Variants in KAT6A observed in about 807,000 individuals in gnomAD.
KAT6A encodes lysine acetyltransferase 6A.
A neutral mutation model predicts 198.4 loss-of-function variants in KAT6A; 9 were observed. That is an observed-to-expected ratio of 0.05 (90% CI 0.03 to 0.08). The LOEUF (loss-of-function observed/expected upper bound fraction) is 0.08. KAT6A is among the 10% of genes least tolerant of loss of function. The pLI is 1.00. For missense variants in KAT6A, 2,077 were observed against 2,509.9 expected, an observed-to-expected ratio of 0.83 and a Z score of 3.69; for synonymous variants, 890 against 883.0, an observed-to-expected ratio of 1.01 and a Z score of -0.14.
chr8:41,996,921 A>G (rs1408411827), intron 2 of KAT6A, among the ~76,000 whole-genome samples: 1 of 152,204 alleles, frequency 6.6e-6, no homozygotes, highest in Non-Finnish European at 1.5e-5. Context: ...TGTACCACAA[A>G]AGGACATATA....
Position 41,942,874 on chromosome 8 carries a change from C to T in KAT6A, c.2355G>A (p.Val785=), listed in dbSNP as rs1822207656. The part of the protein sequence containing the change: ...RWTPVIVSNS[V]VSEEEEEEAE... ...CCTCCTCTTCTTCCTCCTCTGAGACCACAGAGTTGGACACTATGACTGGAG... is the reference window on the plus strand; with the variant it reads ...CCTCCTCTTCTTCCTCCTCTGAGACTACAGAGTTGGACACTATGACTGGAG... Residue 785 remains valine, a synonymous_variant, in exon 14 of 17, where the codon GTG becomes GTA. Transcript: ENST00000265713. The T allele has an allele frequency of 3.7e-6, 6 of 1,614,134 alleles. No individual in the cohort carries two copies. Among genetic ancestry groups the T allele is most frequent in the Non-Finnish European group, 5.1e-6 (6 of 1,180,032 alleles).
Position 41,943,777 on chromosome 8 carries a change from G to C in KAT6A, c.2199C>G (p.His733Gln). 1 of 1,613,490 alleles carries C rather than the reference G, an allele frequency of 6.2e-7. No individual in the cohort carries two copies. The highest frequency in any genetic ancestry group is 1.1e-5 in the South Asian group (1 of 91,064). ...CACTACGGAAGTCCAGCATTCGTAG[G>C]TGGTGGAGTGTGGAAGTGATGTCTT... ...CPQDITSTLH[H>Q]LRMLDFRSDQ... is the part of the protein sequence containing the mutation. Residue 733 changes from histidine to glutamine, a missense_variant, in exon 13 of 17, where the codon CAC (histidine) becomes CAG (glutamine). This residue lies in a region of KAT6A where 127 missense variants were observed against 209.6 expected (regional missense o/e 0.61). Coordinates refer to ENST00000265713, the MANE Select transcript of KAT6A (RefSeq NM_006766.5).
At chr8:42,046,644 T>G (rs1260017409) in intron 2 of KAT6A, among the ~76,000 whole-genome samples, 3 of 152,252 alleles carry the variant, frequency 2.0e-5, no homozygotes, top group Non-Finnish European at 4.4e-5. Flanking sequence ...TCCAGGCAGT[T>G]AACCTGTTAG....
At chr8:42,042,825 A>G (rs1026534828) in intron 2 of KAT6A, among the ~76,000 whole-genome samples, 9 of 152,226 alleles carry the variant, frequency 5.9e-5, no homozygotes, top group African/African-American at 1.7e-4. Context: ...TTTCTGGGCT[A>G]GTAATACAGA....
Position 41,930,682 on chromosome 8 carries a change from A to ATGTGTG in KAT6A, c.*1517_*1522dup, listed in dbSNP as rs1167805914. ...AATGATGGAATATATATATATATAT[A>ATGTGTG]TGTGTGTGTGTGTGTGTGTGTGTGT... On this transcript the variant is annotated 3_prime_UTR_variant, in exon 17 of 17. Coordinates refer to ENST00000265713, the MANE Select transcript of KAT6A (RefSeq NM_006766.5). The ATGTGTG allele has an allele frequency of 2.6e-3, 238 of 91,646 alleles. 2 individuals carry two copies. Among genetic ancestry groups the ATGTGTG allele is most frequent in the African/African-American group, 8.2e-3 (153 of 18,684 alleles). The allele number at this position is 91,646 out of a possible 1,614,324, so 5.7% of individuals were successfully genotyped here.
chr8:42,042,233 C>T (rs574587783), intron 2 of KAT6A, among the ~76,000 whole-genome samples: 3 of 151,956 alleles, frequency 2.0e-5, no homozygotes, highest in Non-Finnish European at 4.4e-5. Context: ...CCGAGGCAGG[C>T]GGATCATGAG....
In KAT6A at chr8:41,938,869, T is replaced by A. The variant is rs1314850128; in HGVS notation, c.3040-1301A>T. On this transcript the variant is annotated intron_variant, in intron 15 of 16. Transcript: ENST00000265713. ...GGCTGAGGTGGGAGCGTTGCTTGCA[T>A]CCCAGGAGGTGGAGGTTGCAGTGAG... Among the ~76,000 whole-genome samples the A allele has an allele frequency of 6.8e-5, 10 of 147,072 alleles. No individual in the cohort carries two copies. The Admixed American group carries it at 7.0e-4, about 10-fold the overall frequency.
At chr8:41,936,524 C>T (rs1390182283) in intron 16 of KAT6A, among the ~76,000 whole-genome samples, 1 of 152,194 alleles carries the variant, frequency 6.6e-6, no homozygotes, top group Non-Finnish European at 1.5e-5. Context: ...GCATGAGACA[C>T]TGGCAAAACT....
rs1822468570 is a variant in KAT6A, at chr8:41,947,738, C to A, written c.1902+13G>T. On this transcript the variant is annotated intron_variant, in intron 11 of 16. Coordinates refer to ENST00000265713, the MANE Select transcript of KAT6A (RefSeq NM_006766.5). ...TATATGAGTTCAAACAAACTTTAAG[C>A]TGACATACTTACCTTAGAAAAGTAG... The A allele has an allele frequency of 6.3e-7, 1 of 1,579,474 alleles. No homozygotes were observed. The highest frequency in any genetic ancestry group is 8.6e-7 in the Non-Finnish European group (1 of 1,169,502).
rs570505837 is a variant in KAT6A, at chr8:41,972,536, C to G, written c.1482+2168G>C. Among the ~76,000 whole-genome samples the G allele has an allele frequency of 2.0e-5, 3 of 152,282 alleles. No homozygotes were observed. In the East Asian group the frequency reaches 5.8e-4, roughly 29 times the overall value. ...CTGATGTGACACACTGAGGAGGACA[C>G]AGCACACCTGTGGAATTTTCTAATC... On this transcript the variant is annotated intron_variant, in intron 8 of 16. Coordinates refer to ENST00000265713, the MANE Select transcript of KAT6A (RefSeq NM_006766.5).
chr8:42,013,577 G>A (rs1023520524), intron 2 of KAT6A, among the ~76,000 whole-genome samples: 1 of 152,142 alleles, frequency 6.6e-6, no homozygotes, highest in Non-Finnish European at 1.5e-5. Flanking sequence ...GCACACATAT[G>A]TATGGTCACT....
chr8:42,008,917 T>C (rs145706595), intron 2 of KAT6A, among the ~76,000 whole-genome samples: 4 of 152,314 alleles, frequency 2.6e-5, no homozygotes, highest in Admixed American at 2.6e-4. Context: ...AATTTAAAAG[T>C]TGGTGAATAA....
In KAT6A at chr8:41,934,027, T is replaced by C. The variant is rs1821710791; in HGVS notation, c.4193A>G (p.Glu1398Gly). 1.2e-5 allele frequency: 19 copies of C among 1,614,056 alleles called. No homozygotes were observed. Among genetic ancestry groups the C allele is most frequent in the Non-Finnish European group, 1.5e-5 (18 of 1,180,040 alleles). The change falls in exon 17 of 17, where the codon GAA becomes GGA. Residue 1398 changes from glutamate to glycine, a missense_variant. Around this residue, in one of 13 missense-constraint regions of KAT6A, gnomAD observed 178 missense variants for 220.8 expected, o/e 0.81. Transcript: ENST00000265713. The part of the protein sequence containing the change: ...QMAGSEDDHE[E>G]DSHTKEELIE... ...TAACTCTTCCTTAGTGTGGGAGTCT[T>C]CTTCGTGGTCGTCCTCAGACCCAGC...
At chr8:42,007,781 T>C (rs1192989354) in intron 2 of KAT6A, among the ~76,000 whole-genome samples, 1 of 151,752 alleles carries the variant, frequency 6.6e-6, no homozygotes, top group African/African-American at 2.4e-5. Flanking sequence ...ACTAACATGG[T>C]GAAACCCCGT....
rs1425919147 is a variant in KAT6A at position 42,048,958 on chromosome 8, G to A, written c.20C>T (p.Pro7Leu). 4 of 1,612,216 alleles carry A rather than the reference G, an allele frequency of 2.5e-6. No homozygotes were observed. Among genetic ancestry groups the A allele is most frequent in the African/African-American group, 1.3e-5 (1 of 74,744 alleles). Residue 7 changes from proline to leucine, a missense_variant, in exon 2 of 17, where the codon CCG becomes CTG. Around this residue, in one of 13 missense-constraint regions of KAT6A, gnomAD observed 35 missense variants for 76.6 expected, o/e 0.46. Coordinates refer to ENST00000265713, the MANE Select transcript of KAT6A (RefSeq NM_006766.5). Reference protein sequence around the residue: MVKLANPLYTEWILEAI... With the variant: MVKLANLLYTEWILEAI... ...CTCCAAAATCCACTCAGTATAAAGC[G>A]GGTTTGCGAGTTTTACCATGGTGAA...
Position 41,966,817 on chromosome 8 carries a change from G to A in KAT6A, c.1482+7887C>T, listed in dbSNP as rs72640394. The stretch of plus-strand genomic sequence containing the variant: ...GATTTTGCTACCCCCATGACATCCC[G>A]TATACAGAATAATGCAGGATGTTAT... On this transcript the variant is annotated intron_variant, in intron 8 of 16. Coordinates refer to ENST00000265713, the MANE Select transcript of KAT6A (RefSeq NM_006766.5). 4.9e-3 allele frequency among the ~76,000 whole-genome samples: 738 copies of A among 152,122 alleles called. 2 individuals are homozygous for A. Among genetic ancestry groups the A allele is most frequent in the Non-Finnish European group, 8.6e-3 (585 of 67,986 alleles).
rs1247074354 is a variant in KAT6A, at chr8:41,930,247, C to T, written c.*1958G>A. On this transcript the variant is annotated 3_prime_UTR_variant, in exon 17 of 17. Coordinates refer to ENST00000265713, the MANE Select transcript of KAT6A (RefSeq NM_006766.5). ...CCCTCCTCCCAATATACCTCCCTCCCGACCCACCCCGTCCCCACCCCAACC... is the reference window on the plus strand; with the variant it reads ...CCCTCCTCCCAATATACCTCCCTCCTGACCCACCCCGTCCCCACCCCAACC... 5 of 223,026 alleles carry T rather than the reference C, an allele frequency of 2.2e-5. No homozygotes were observed. The highest frequency in any genetic ancestry group is 4.4e-5 in the Non-Finnish European group (5 of 112,372). The allele number at this position is 223,026 out of a possible 1,614,324, so 13.8% of individuals were successfully genotyped here.
At chr8:42,047,026 C>T (rs1802346780) in intron 2 of KAT6A, among the ~76,000 whole-genome samples, 1 of 152,172 alleles carries the variant, frequency 6.6e-6, no homozygotes, top group South Asian at 2.1e-4. Context: ...CAGTGGGCTG[C>T]TAATAATACA....
Position 41,962,903 on chromosome 8 carries a change from T to C in KAT6A, c.1483-7492A>G, listed in dbSNP as rs1823281072. ...TCCTGTTCCTATGCCTGGAATGCTA[T>C]TCCCCCGTTACCTACATGTTTCATC... On this transcript the variant is annotated intron_variant, in intron 8 of 16. Transcript: ENST00000265713. 2.0e-5 allele frequency among the ~76,000 whole-genome samples: 3 copies of C among 152,178 alleles called. No individual in the cohort carries two copies. The South Asian group carries it at 6.2e-4, about 31-fold the overall frequency.
Sources: gnomAD v4.1 joint callset for allele counts (sites outside exome capture counted in the v4.1 genomes callset) on GRCh38, gnomAD v4.1.1 for gene constraint, gnomAD v4.1.1 regional missense constraint, MANE v1.5 for transcripts, NCBI Gene and HGNC (gene_info 2026-07-23, HGNC 2026-07-21) for gene names.